The following CNTN1 variants were observed in gnomAD, a reference collection of about 807,000 sequenced individuals.
CNTN1 encodes the protein contactin-1.
CNTN1 carries 38 observed loss-of-function variants against 126.4 expected under a neutral mutation model. The ratio of observed to expected loss-of-function variants is 0.30; its 90% CI spans 0.23 to 0.39. CNTN1 has a LOEUF of 0.39. Ranked by LOEUF, CNTN1 falls within the 10% of genes least tolerant of loss-of-function variation. CNTN1 has a pLI of 1.00. For synonymous variants in CNTN1, 413 were observed against 422.6 expected (o/e 0.98, Z 0.28); for missense variants, 1,009 against 1,248.4 (o/e 0.81, Z 2.89).
At chr12:40,734,080 G>A (rs975002935) in intron 1 of CNTN1, among the ~76,000 whole-genome samples, 2 of 152,060 alleles carry the variant, frequency 1.3e-5, no homozygotes, top group African/African-American at 4.8e-5. Context: ...ATGAATCAAA[G>A]TCAGTGTGCC....
chr12:40,834,121 TAAC>T (rs1400930009), intron 1 of CNTN1, among the ~76,000 whole-genome samples: 2 of 152,162 alleles, frequency 1.3e-5, no homozygotes, highest in Admixed American at 1.3e-4. Context: ...AGCAGAAGAC[TAAC>T]AAGAATCATA....
At chr12:41,005,326 A>T (rs1476501191) in intron 17 of CNTN1, among the ~76,000 whole-genome samples, 1 of 152,096 alleles carries the variant, frequency 6.6e-6, no homozygotes, top group Non-Finnish European at 1.5e-5. Context: ...CTTCCTTTGT[A>T]GTTGATCTGA....
At chr12:41,060,851 G>T (rs906454324) in intron 23 of CNTN1, among the ~76,000 whole-genome samples, 7 of 152,124 alleles carry the variant, frequency 4.6e-5, no homozygotes, top group Non-Finnish European at 8.8e-5. Context: ...ATTCCAGACT[G>T]AGTATGTTCT....
intron 14 of CNTN1, among the ~76,000 whole-genome samples, chr12:40,953,411 G>A (rs10784967): frequency 0.64 from 96,676 of 151,930 alleles, 30,855 homozygotes; most frequent in Middle Eastern, 0.69. Flanking sequence ...AACCACTGAG[G>A]ACCTCAACTT....
chr12:40,815,091 C>T (rs1941214328), intron 1 of CNTN1, among the ~76,000 whole-genome samples: 1 of 152,118 alleles, frequency 6.6e-6, no homozygotes, highest in Non-Finnish European at 1.5e-5. Context: ...CATCATACCT[C>T]CAGCTCTGTT....
chr12:40,981,856 CAT>C (rs765621571), intron 16 of CNTN1, among the ~76,000 whole-genome samples: 87 of 151,036 alleles, frequency 5.8e-4, no homozygotes, highest in Non-Finnish European at 1.1e-3. Flanking sequence ...AAAGAGGAGA[CAT>C]AGAAATATTT....
chr12:40,977,167 A>T (rs569700283), intron 15 of CNTN1, among the ~76,000 whole-genome samples: 5 of 152,160 alleles, frequency 3.3e-5, no homozygotes, highest in Non-Finnish European at 7.3e-5. Context: ...GGGGGCTTCC[A>T]GATCAGAGGT....
chr12:40,736,383 A>G (rs1316296905), intron 1 of CNTN1, among the ~76,000 whole-genome samples: 1 of 152,122 alleles, frequency 6.6e-6, no homozygotes, highest in Non-Finnish European at 1.5e-5. Flanking sequence ...TATAAGTATA[A>G]GATATGGTTT....
At chr12:40,830,893 C>A in intron 1 of CNTN1, among the ~76,000 whole-genome samples, 1 of 125,316 alleles carries the variant, frequency 8.0e-6, no homozygotes, top group Admixed American at 8.9e-5. Context: ...TATAAGTGAT[C>A]TGTAACTACC....
intron 3 of CNTN1, among the ~76,000 whole-genome samples, chr12:40,917,295 T>C (rs189906535): frequency 6.6e-6 from 1 of 152,214 alleles, no homozygotes; most frequent in East Asian, 1.9e-4. Context: ...AAAATTAGCA[T>C]TTATTCATTG....
intron 11 of CNTN1, among the ~76,000 whole-genome samples, chr12:40,938,374 T>C (rs1018458767): frequency 6.6e-6 from 1 of 152,188 alleles, no homozygotes; most frequent in African/African-American, 2.4e-5. Flanking sequence ...TATAGATAGA[T>C]CCTGAAAGCA....
chr12:40,883,931 A>G (rs1423228706), intron 1 of CNTN1, among the ~76,000 whole-genome samples: 1 of 151,658 alleles, frequency 6.6e-6, no homozygotes, highest in Admixed American at 6.6e-5. Context: ...CTTTAATAGT[A>G]ATTTCTATTA....
At chr12:40,976,228 C>G (rs1004508419) in intron 15 of CNTN1, among the ~76,000 whole-genome samples, 1 of 152,004 alleles carries the variant, frequency 6.6e-6, no homozygotes, top group Non-Finnish European at 1.5e-5. Flanking sequence ...AACTTCAGAT[C>G]TTTAATAATT....
At chr12:41,061,895 A>G in intron 23 of CNTN1, 1 of 425,562 alleles carries the variant, frequency 2.3e-6, no homozygotes, top group South Asian at 1.7e-5. Context: ...GTAGGTCTTA[A>G]GCTGTCTTTT....
At chr12:40,893,799 T>C (rs1348625907) in intron 1 of CNTN1, among the ~76,000 whole-genome samples, 2 of 152,154 alleles carry the variant, frequency 1.3e-5, no homozygotes, top group East Asian at 1.9e-4. Context: ...AATATGTAGA[T>C]GACTTCCAAG....
chr12:40,747,866 T>A (rs1212306284), intron 1 of CNTN1, among the ~76,000 whole-genome samples: 8 of 152,144 alleles, frequency 5.3e-5, no homozygotes, highest in Non-Finnish European at 1.0e-4. Flanking sequence ...TAACAAAGGC[T>A]TCAATTTGCA....
At chr12:40,741,302 G>T (rs1476724213) in intron 1 of CNTN1, among the ~76,000 whole-genome samples, 1 of 151,842 alleles carries the variant, frequency 6.6e-6, no homozygotes, top group African/African-American at 2.4e-5. Flanking sequence ...TCTGTTTTTT[G>T]ATATCAGTTA....
intron 1 of CNTN1, among the ~76,000 whole-genome samples, chr12:40,890,457 C>A (rs1156924341): frequency 6.6e-6 from 1 of 151,982 alleles, no homozygotes; most frequent in Non-Finnish European, 1.5e-5. Context: ...TTTCACTGCC[C>A]TAAAAATCTT....
intron 19 of CNTN1, 61 bp downstream of exon 19, chr12:41,016,977 C>A: frequency 7.1e-7 from 1 of 1,399,502 alleles, no homozygotes; most frequent in Non-Finnish European, 1.0e-6. Flanking sequence ...CTCTAGCAGG[C>A]ATTTAGTTTG....
Sources: gnomAD v4.1 joint callset for allele counts (sites outside exome capture counted in the v4.1 genomes callset) on GRCh38, gnomAD v4.1.1 for gene constraint, MANE v1.5 for transcripts, NCBI Gene and HGNC (gene_info 2026-07-23, HGNC 2026-07-21) for gene names.